XRCC5: variants seen among roughly 807,000 people sequenced by gnomAD.
XRCC5 encodes DNA repair protein Ku80.
In XRCC5, 12 loss-of-function variants were observed where a neutral mutation model predicts 95.7. The observed-to-expected ratio is 0.13, with a 90% CI of 0.08 to 0.20. The LOEUF (loss-of-function observed/expected upper bound fraction) is 0.20, where lower values mean the gene tolerates loss of function less well. Among genes scored for constraint, XRCC5 ranks in the 10% least tolerant of loss-of-function variants. The probability of loss-of-function intolerance (pLI) is 1.00; values close to 1 mark genes in which losing one functional copy is unlikely to be tolerated. For missense variants in XRCC5, 595 were observed against 873.9 expected (o/e 0.68, Z 4.02); for synonymous variants, 281 against 290.3 (o/e 0.97, Z 0.33).
chr2:216,118,266 T>C (rs564127367), intron 4 of XRCC5, among the ~76,000 whole-genome samples: 1 of 151,846 alleles, frequency 6.6e-6, no homozygotes, highest in Non-Finnish European at 1.5e-5. Flanking sequence ...CAGCTTGATC[T>C]CCTGGGCTCA....
chr2:216,134,288 G>A (rs1468249182), intron 10 of XRCC5, among the ~76,000 whole-genome samples: 1 of 152,134 alleles, frequency 6.6e-6, no homozygotes, highest in African/African-American at 2.4e-5. Flanking sequence ...ACTTTCATGT[G>A]CTGATTTGCA....
chr2:216,171,832 A>C (rs1236908892), intron 16 of XRCC5, among the ~76,000 whole-genome samples: 1 of 152,260 alleles, frequency 6.6e-6, no homozygotes, highest in Non-Finnish European at 1.5e-5. Context: ...CAAGTCTCTT[A>C]GATAAATTGC....
chr2:216,132,450 A>G, intron 10 of XRCC5, 63 bp downstream of exon 10: 1 of 1,530,968 alleles, frequency 6.5e-7, no homozygotes, highest in Non-Finnish European at 9.0e-7. Context: ...TATGAAAGCA[A>G]GTTGTTTGGG....
chr2:216,193,812 A>G (rs1442104965), intron 18 of XRCC5, among the ~76,000 whole-genome samples: 1 of 152,262 alleles, frequency 6.6e-6, no homozygotes, highest in Non-Finnish European at 1.5e-5. Flanking sequence ...TCATAGGTAC[A>G]CATGGGTGTT....
intron 19 of XRCC5, among the ~76,000 whole-genome samples, chr2:216,195,779 G>GT (rs774354805): frequency 1.6e-4 from 24 of 152,186 alleles, no homozygotes; most frequent in Non-Finnish European, 2.5e-4. Flanking sequence ...AATGAATTAA[G>GT]TTGAATAGCT....
At chr2:216,125,810 T>C (rs554212027) in intron 6 of XRCC5, 107 bp from the exon 7 acceptor site, 2 of 872,968 alleles carry the variant, frequency 2.3e-6, no homozygotes, top group South Asian at 3.4e-5. Context: ...TTTCTCTCTT[T>C]ATAATTAACA....
intron 18 of XRCC5, among the ~76,000 whole-genome samples, chr2:216,193,736 A>G (rs1454562246): frequency 1.3e-5 from 2 of 152,230 alleles, no homozygotes; most frequent in African/African-American, 4.8e-5. Context: ...CTTACAGGTC[A>G]TATGCAAAAT....
intron 16 of XRCC5, among the ~76,000 whole-genome samples, chr2:216,171,404 GCTGGAGAATAT>G (rs1436288296): frequency 3.3e-5 from 5 of 152,232 alleles, no homozygotes; most frequent in Non-Finnish European, 5.9e-5. Context: ...TTTCAGCAGG[GCTGGAGAATAT>G]TACCAGCTTA....
intron 3 of XRCC5, 48 bp downstream of exon 3, chr2:216,116,890 G>A (rs1359668331): frequency 1.3e-6 from 2 of 1,595,124 alleles, no homozygotes; most frequent in African/African-American, 1.3e-5. Context: ...CCTTTATTCT[G>A]GGAATCGTAC....
chr2:216,133,739 G>A (rs1480728986), intron 10 of XRCC5, among the ~76,000 whole-genome samples: 1 of 152,062 alleles, frequency 6.6e-6, no homozygotes, highest in Non-Finnish European at 1.5e-5. Flanking sequence ...AATGGCAAAG[G>A]GATACTCTCT....
intron 16 of XRCC5, chr2:216,175,049 A>C (rs548043200): frequency 1.9e-5 from 6 of 316,204 alleles, no homozygotes; most frequent in Middle Eastern, 1.1e-3. Flanking sequence ...GAATCATTAT[A>C]GTTCCCACCA....
At chr2:216,167,172 G>A (rs950442290) in intron 16 of XRCC5, among the ~76,000 whole-genome samples, 8 of 152,122 alleles carry the variant, frequency 5.3e-5, no homozygotes, top group African/African-American at 1.9e-4. Flanking sequence ...GCAGTAATAT[G>A]TACTTGTCCA....
In XRCC5 at chr2:216,147,134, T is replaced by C. The variant is rs180916141; in HGVS notation, c.1477-949T>C. Reference sequence around the variant, plus strand: ...CATATAGAGTGTCAGGGAAGGCCTCTCTGCGGAGATAGTATTTCAGCAAAG... The same window carrying C: ...CATATAGAGTGTCAGGGAAGGCCTCCCTGCGGAGATAGTATTTCAGCAAAG... On this transcript the variant is annotated intron_variant, in intron 13 of 20. Transcript: ENST00000392132. 3.7e-4 allele frequency among the ~76,000 whole-genome samples: 56 copies of C among 152,184 alleles called. No individual in the cohort carries two copies. In the East Asian group the frequency reaches 8.9e-3, roughly 24 times the overall value.
At chr2:216,192,222 G>A (rs968456729) in intron 17 of XRCC5, among the ~76,000 whole-genome samples, 1 of 152,262 alleles carries the variant, frequency 6.6e-6, no homozygotes, top group Admixed American at 6.5e-5. Context: ...TCGAACTCCT[G>A]ACCTCAGGTG....
chr2:216,196,596 T>C (rs1257826039), intron 19 of XRCC5, among the ~76,000 whole-genome samples: 1 of 152,050 alleles, frequency 6.6e-6, no homozygotes, highest in Non-Finnish European at 1.5e-5. Flanking sequence ...GCTTGTGTGA[T>C]TGTAGGGCTT....
chr2:216,114,228 C>T (rs1437776983), intron 2 of XRCC5, among the ~76,000 whole-genome samples: 1 of 152,084 alleles, frequency 6.6e-6, no homozygotes, highest in Non-Finnish European at 1.5e-5. Flanking sequence ...GTATGACTGC[C>T]ACTTTTGCTA....
At chr2:216,146,951 G>C (rs951589875) in intron 13 of XRCC5, among the ~76,000 whole-genome samples, 1 of 152,318 alleles carries the variant, frequency 6.6e-6, no homozygotes. Flanking sequence ...CAGCAGTAAA[G>C]AAGAGAAGAG....
At chr2:216,129,842 T>C (rs1264084316) in intron 8 of XRCC5, among the ~76,000 whole-genome samples, 1 of 151,668 alleles carries the variant, frequency 6.6e-6, no homozygotes, top group Non-Finnish European at 1.5e-5. Flanking sequence ...CCTGGCTAAT[T>C]TTTTTTTGTA....
intron 14 of XRCC5, among the ~76,000 whole-genome samples, chr2:216,152,258 G>T (rs1280642051): frequency 6.6e-6 from 1 of 152,118 alleles, no homozygotes; most frequent in Non-Finnish European, 1.5e-5. Flanking sequence ...CCAACATGGT[G>T]AAACCCTGTC....
Sources: allele counts gnomAD v4.1 joint callset (sites outside exome capture counted in the v4.1 genomes callset), GRCh38; gene constraint gnomAD v4.1.1; transcripts MANE v1.5; gene names NCBI Gene and HGNC (gene_info 2026-07-23, HGNC 2026-07-21).